Variants in TRPM3 observed in about 807,000 individuals in gnomAD.
The protein encoded by TRPM3 is transient receptor potential cation channel subfamily M member 3, also known as long transient receptor potential channel 3.
TRPM3 carries 77 observed loss-of-function variants against 181.2 expected under a neutral mutation model. The observed-to-expected ratio is 0.42, with a 90% CI of 0.35 to 0.51. The LOEUF is 0.51. TRPM3 is among the 20% of genes least tolerant of loss of function. The probability of loss-of-function intolerance (pLI) is 0.01; values close to 1 mark genes in which losing one functional copy is unlikely to be tolerated. For missense variants in TRPM3, 1,759 were observed against 2,196.7 expected (o/e 0.80, Z 3.98); for synonymous variants, 745 against 796.4 (o/e 0.94, Z 1.09).
In TRPM3 at chr9:71,074,995, AATT is replaced by A. The variant is rs371938408; in HGVS notation, c.177+46180_177+46182del. Among the ~76,000 whole-genome samples the A allele has an allele frequency of 1.7e-4, 26 of 152,312 alleles. No individual in the cohort carries two copies. The East Asian group carries it at 5.0e-3, about 29-fold the overall frequency. ...TTTTATGCTATATGTCAGAAATTTAAATTATAATTACATCTATATGCTGACTTC... is the reference window on the plus strand; with the variant it reads ...TTTTATGCTATATGTCAGAAATTTAAATAATTACATCTATATGCTGACTTC... On this transcript the variant is annotated intron_variant, in intron 1 of 25. Transcript: ENST00000677713.
intron 6 of TRPM3, among the ~76,000 whole-genome samples, chr9:70,792,976 T>A (rs1444685118): frequency 6.6e-6 from 1 of 152,164 alleles, no homozygotes; most frequent in African/African-American, 2.4e-5. Flanking sequence ...CTAATAAAAA[T>A]GGAATTTTTG....
rs145738883 is a variant in TRPM3, at chr9:71,304,011, T to C, written c.183+142642A>G. ...AACAACATATTGTACACAATAAATA[T>C]ATAGTTTTTGTTAAGTGAAATTAAT... On this transcript the variant is annotated intron_variant, in intron 1 of 24. Transcript: ENST00000357533. 4.6e-3 allele frequency among the ~76,000 whole-genome samples: 698 copies of C among 152,174 alleles called. 5 individuals are homozygous for C. The highest frequency in any genetic ancestry group is 0.016 in the African/African-American group (666 of 41,508).
chr9:71,375,976 T>G (rs183539584), intron 1 of TRPM3, among the ~76,000 whole-genome samples: 9 of 152,302 alleles, frequency 5.9e-5, no homozygotes, highest in Non-Finnish European at 1.0e-4. Context: ...TGCAGTAGTC[T>G]GGAACCGAAC....
At chr9:70,878,397 T>A (rs1051946628) in intron 1 of TRPM3, among the ~76,000 whole-genome samples, 17 of 152,064 alleles carry the variant, frequency 1.1e-4, no homozygotes, top group Admixed American at 1.0e-3. Context: ...TACTTACTTA[T>A]TTTTTAATTA....
intron 1 of TRPM3, among the ~76,000 whole-genome samples, chr9:71,076,563 A>G (rs1382934691): frequency 1.3e-5 from 2 of 151,968 alleles, no homozygotes; most frequent in Non-Finnish European, 1.5e-5. Context: ...GATGAACAAC[A>G]CCCTCCCTCT....
At chr9:70,846,661 T>G in intron 3 of TRPM3, 70 bp from the exon 4 acceptor site, 1 of 1,263,792 alleles carries the variant, frequency 7.9e-7, no homozygotes. Context: ...CTTTACTGAT[T>G]GCAATTATAT....
chr9:71,059,011 ATTTTTTTT>A (rs1162577364), intron 1 of TRPM3, among the ~76,000 whole-genome samples: 31 of 52,640 alleles, frequency 5.9e-4, no homozygotes, highest in Admixed American at 2.3e-3. Flanking sequence ...TTGTTTGTTC[ATTTTTTTT>A]TTTTTTTTTT....
At chr9:71,273,383 A>G (rs140859478) in intron 1 of TRPM3, among the ~76,000 whole-genome samples, 640 of 152,328 alleles carry the variant, frequency 4.2e-3, no homozygotes, top group African/African-American at 0.014. Flanking sequence ...AAAGAAAAAG[A>G]TGGCTCTGCC....
At chr9:71,094,679 A>C (rs1478718173) in intron 1 of TRPM3, among the ~76,000 whole-genome samples, 3 of 152,028 alleles carry the variant, frequency 2.0e-5, no homozygotes, top group African/African-American at 7.2e-5. Context: ...CTTATATATA[A>C]GTCTGTTGGG....
intron 1 of TRPM3, chr9:70,868,993 C>T: frequency 1.0e-6 from 1 of 985,204 alleles, no homozygotes; most frequent in Non-Finnish European, 1.2e-6. Flanking sequence ...TACCTGAGCA[C>T]TGATTCTGGG....
At chr9:70,678,855 T>C (rs375595530) in intron 9 of TRPM3, among the ~76,000 whole-genome samples, 1 of 152,254 alleles carries the variant, frequency 6.6e-6, no homozygotes, top group Non-Finnish European at 1.5e-5. Context: ...AGTAGGCTCT[T>C]GGCCTCCGAA....
chr9:70,778,173 A>G (rs1021718515), intron 7 of TRPM3, among the ~76,000 whole-genome samples: 2 of 152,120 alleles, frequency 1.3e-5, no homozygotes, highest in African/African-American at 4.8e-5. Flanking sequence ...CCAGTTTTTG[A>G]TGGAAAAGGG....
rs2056928190 is a variant in TRPM3 at position 70,635,078 on chromosome 9, C to T, written c.1632+133G>A. On this transcript the variant is annotated intron_variant, in intron 12 of 25. Transcript: ENST00000677713. ...AGACACATACACACACACACACACA[C>T]ACACTGTTCTGAAATGAGTGGCGCC... The T allele has an allele frequency of 1.0e-5, 7 of 687,560 alleles. No individual in the cohort carries two copies. In the East Asian group the frequency reaches 1.9e-4, roughly 18 times the overall value. The allele number at this position is 687,560 out of a possible 1,614,324, so 42.6% of individuals were successfully genotyped here.
chr9:70,815,158 A>G (rs1268914878), intron 6 of TRPM3, among the ~76,000 whole-genome samples: 2 of 152,104 alleles, frequency 1.3e-5, no homozygotes, highest in Non-Finnish European at 2.9e-5. Context: ...CAGTTGTACT[A>G]TGTACAACTT....
At chr9:71,166,698 AAAC>A (rs1483403731) in intron 1 of TRPM3, among the ~76,000 whole-genome samples, 1 of 152,226 alleles carries the variant, frequency 6.6e-6, no homozygotes, top group Non-Finnish European at 1.5e-5. Flanking sequence ...TGTAGTCTTT[AAAC>A]AACGTTAGAA....
At chr9:71,333,059 C>T (rs1393243354) in intron 1 of TRPM3, among the ~76,000 whole-genome samples, 1 of 151,730 alleles carries the variant, frequency 6.6e-6, no homozygotes, top group Non-Finnish European at 1.5e-5. Context: ...TTTGTCTCCC[C>T]AGGGTAGAGA....
chr9:71,354,001 C>T lies in TRPM3; in HGVS notation c.183+92652G>A, dbSNP rs972950315. On this transcript the variant is annotated intron_variant, in intron 1 of 24. Coordinates refer to the TRPM3 transcript ENST00000357533. ...CCAATCTTTCTATTCCATCTCATGG[C>T]CTCTCATCTCAAGCACTGCAGACTA... Among the ~76,000 whole-genome samples, 9 of 152,270 alleles carry T rather than the reference C, an allele frequency of 5.9e-5. No homozygotes were observed. In the East Asian group the frequency reaches 9.6e-4, roughly 16 times the overall value.
chr9:71,126,553 T>TTCCAAATATAA (rs2074041440), upstream of TRPM3, among the ~76,000 whole-genome samples: 5 of 152,184 alleles, frequency 3.3e-5, 1 homozygote, highest in Admixed American at 3.3e-4. Flanking sequence ...CTTAATGTAT[T>TTCCAAATATAA]TCCAAATATA....
intron 1 of TRPM3, among the ~76,000 whole-genome samples, chr9:70,911,417 A>G (rs1194005265): frequency 6.6e-6 from 1 of 152,220 alleles, no homozygotes; most frequent in African/African-American, 2.4e-5. Flanking sequence ...AATTTCATAC[A>G]AAATCATGCC....
Sources: gnomAD v4.1 joint callset for allele counts (sites outside exome capture counted in the v4.1 genomes callset) on GRCh38, gnomAD v4.1.1 for gene constraint, MANE v1.5 for transcripts, NCBI Gene and HGNC (gene_info 2026-07-23, HGNC 2026-07-21) for gene names.